Variants in MTO1 observed in about 807,000 individuals in gnomAD.
MTO1 encodes the protein 5-taurinomethyluridine-[tRNA] synthase subunit MTO1, mitochondrial.
A neutral mutation model predicts 71.6 loss-of-function variants in MTO1; 46 were observed. The observed-to-expected ratio is 0.64, with a 90% CI of 0.51 to 0.82. The LOEUF (loss-of-function observed/expected upper bound fraction) is 0.82, where lower values mean the gene tolerates loss of function less well. Among genes scored for constraint, MTO1 ranks in the 40% least tolerant of loss-of-function variants. The pLI, the probability that MTO1 is intolerant of heterozygous loss-of-function variation, is 0.00. For synonymous variants in MTO1, 297 were observed against 312.1 expected, an observed-to-expected ratio of 0.95 and a Z score of 0.51; for missense variants, 773 against 867.5, an observed-to-expected ratio of 0.89 and a Z score of 1.37.
At chr6:73,473,148 G>A (rs553859319) in intron 3 of MTO1, among the ~76,000 whole-genome samples, 54 of 152,226 alleles carry the variant, frequency 3.5e-4, no homozygotes, top group African/African-American at 1.2e-3. Context: ...GCGTGGTGGC[G>A]CATGCCTGTA....
Position 73,497,909 on chromosome 6 carries a change from G to A in MTO1, c.1917+13G>A. On this transcript the variant is annotated intron_variant, in intron 11 of 11. Coordinates refer to ENST00000498286, the MANE Select transcript of MTO1 (RefSeq NM_012123.4). ...TCGTCCACAGACGGTAAGAAAATAG[G>A]CAGGAGAATAGAAACAAGTTATAGA... The A allele has an allele frequency of 1.9e-6, 3 of 1,597,444 alleles. No individual in the cohort carries two copies. The highest frequency in any genetic ancestry group is 2.6e-6 in the Non-Finnish European group (3 of 1,168,586).
At chr6:73,472,844 T>C (rs1328727748) in intron 3 of MTO1, among the ~76,000 whole-genome samples, 5 of 152,324 alleles carry the variant, frequency 3.3e-5, no homozygotes, top group African/African-American at 1.2e-4. Flanking sequence ...CAGTTTTTTA[T>C]ATGTCTGTTA....
intron 4 of MTO1, 82 bp downstream of exon 4, chr6:73,473,736 T>C (rs1036545385): frequency 1.6e-6 from 2 of 1,231,750 alleles, no homozygotes; most frequent in African/African-American, 3.1e-5. Context: ...TTTTTTTTTT[T>C]TTGGCAGCAG....
At chr6:73,485,149 G>T (rs1047535917) in intron 9 of MTO1, among the ~76,000 whole-genome samples, 7 of 151,992 alleles carry the variant, frequency 4.6e-5, no homozygotes, top group Non-Finnish European at 1.0e-4. Flanking sequence ...TGACTGATGT[G>T]TATTGATGAA....
chr6:73,461,870 G>A lies in MTO1; in HGVS notation c.16G>A (p.Gly6Ser), dbSNP rs1770826667. The change falls in exon 1 of 12, where the codon GGC (glycine) becomes AGC (serine). Residue 6 changes from glycine to serine, a missense_variant. Physicochemically the swap from Gly to Ser is moderately conservative, Grantham distance 56 (BLOSUM62 0). Coordinates refer to ENST00000498286, the MANE Select transcript of MTO1 (RefSeq NM_012123.4). The stretch of plus-strand genomic sequence containing the variant: ...TTCTCCCAGCATGTTCTACTTCCGA[G>A]GCTGTGGCCGTTGGGTCGCGGTTTC... MFYFR[G>S]CGRWVAVSFT... The A allele has an allele frequency of 1.9e-6, 3 of 1,613,638 alleles. No individual in the cohort carries two copies. Among genetic ancestry groups the A allele is most frequent in the East Asian group, 2.2e-5 (1 of 44,860 alleles).
chr6:73,503,867 A>G lies in MTO1; in HGVS notation c.*3132A>G, dbSNP rs1217800103. 6.6e-6 allele frequency: 1 copy of G among 152,172 alleles called. No homozygotes were observed. The highest frequency in any genetic ancestry group is 1.5e-5 in the Non-Finnish European group (1 of 68,022). 9.4% of individuals were successfully genotyped at this position (152,172 alleles called of 1,614,324 possible). ...GCCAAGAGCTTAAATTTTGTTACTGATGGTTTTAAAAGTATTTTGTCATTT... is the reference window on the plus strand; with the variant it reads ...GCCAAGAGCTTAAATTTTGTTACTGGTGGTTTTAAAAGTATTTTGTCATTT... On this transcript the variant is annotated 3_prime_UTR_variant, in exon 12 of 12. Transcript: ENST00000498286.
chr6:73,477,509 CTT>C (rs766276407), intron 4 of MTO1, among the ~76,000 whole-genome samples: 35 of 134,742 alleles, frequency 2.6e-4, no homozygotes, highest in Non-Finnish European at 2.7e-4. Context: ...TCCAAAGCAG[CTT>C]TTTTTTTTTT....
chr6:73,470,084 A>C (rs74338644), intron 3 of MTO1, among the ~76,000 whole-genome samples: 1 of 152,224 alleles, frequency 6.6e-6, no homozygotes, highest in Non-Finnish European at 1.5e-5. Flanking sequence ...CAGAAGAATC[A>C]GTTTTCCACC....
intron 9 of MTO1, among the ~76,000 whole-genome samples, chr6:73,487,364 G>A (rs969936996): frequency 3.3e-5 from 5 of 151,322 alleles, no homozygotes; most frequent in African/African-American, 1.2e-4. Context: ...GCTACTTTTT[G>A]TATTTTTAGT....
chr6:73,492,574 CT>C, intron 10 of MTO1: 1 of 377,720 alleles, frequency 2.6e-6, no homozygotes, highest in Non-Finnish European at 5.0e-6. Context: ...CTTTGGGAGG[CT>C]GAGGTGGGCT....
chr6:73,486,708 A>G (rs140309705), intron 9 of MTO1: 8 of 316,478 alleles, frequency 2.5e-5, no homozygotes, highest in African/African-American at 1.1e-4. Flanking sequence ...ATTGCACCCA[A>G]ACCTGAGGGA....
intron 10 of MTO1, among the ~76,000 whole-genome samples, chr6:73,495,339 C>A (rs1343288560): frequency 6.6e-6 from 1 of 152,108 alleles, no homozygotes. Context: ...CTTTATTAAA[C>A]ACTTAGGGCT....
At chr6:73,494,629 A>G (rs1771929962) in intron 10 of MTO1, among the ~76,000 whole-genome samples, 2 of 151,978 alleles carry the variant, frequency 1.3e-5, no homozygotes, top group African/African-American at 2.4e-5. Flanking sequence ...GGCATGCACC[A>G]CCACGCCTGG....
Position 73,479,852 on chromosome 6 carries a change from C to G in MTO1, c.938+8C>G. The G allele has an allele frequency of 2.5e-6, 4 of 1,608,102 alleles. No individual in the cohort carries two copies. Among genetic ancestry groups the G allele is most frequent in the Non-Finnish European group, 3.4e-6 (4 of 1,175,334 alleles). On this transcript the variant is annotated splice_region_variant and intron_variant, in intron 5 of 11. Coordinates refer to ENST00000498286, the MANE Select transcript of MTO1 (RefSeq NM_012123.4). Reference sequence around the variant, plus strand: ...AACGACAAGAGGACCTCGGTAAGGACAAAATGTCAGTGCTCAGTTACTTTA... The same window carrying G: ...AACGACAAGAGGACCTCGGTAAGGAGAAAATGTCAGTGCTCAGTTACTTTA...
chr6:73,478,889 T>C (rs74978151), intron 4 of MTO1, among the ~76,000 whole-genome samples: 8 of 150,616 alleles, frequency 5.3e-5, no homozygotes, highest in African/African-American at 2.0e-4. Context: ...ACTTTTTTTT[T>C]TTCTTTTTTT....
At chr6:73,464,835 CAAAAAAAAAA>C (rs70996805) in intron 1 of MTO1, among the ~76,000 whole-genome samples, 5 of 28,354 alleles carry the variant, frequency 1.8e-4, no homozygotes, top group Non-Finnish European at 2.6e-4. Context: ...AACTCTGTCT[CAAAAAAAAAA>C]AAAAAAAAAA....
chr6:73,482,094 G>A lies in MTO1; in HGVS notation c.1315G>A (p.Val439Met), dbSNP rs1325905586. 6.2e-7 allele frequency: 1 copy of A among 1,614,172 alleles called. No individual in the cohort carries two copies. Among genetic ancestry groups the A allele is most frequent in the Non-Finnish European group, 8.5e-7 (1 of 1,180,028 alleles). Residue 439 changes from valine (V) to methionine (M), a missense_variant, in exon 8 of 12, where the codon GTG becomes ATG. Physicochemically the swap from Val to Met is conservative, Grantham distance 21. Coordinates refer to ENST00000498286, the MANE Select transcript of MTO1 (RefSeq NM_012123.4). ...TCGGGTCAGTCGCAAGCCTCCCTTT[G>A]TGGTTAGCCGAACAGAAGGTTACAT... The part of the protein sequence containing the change: ...SLRVSRKPPF[V>M]VSRTEGYIGV...
chr6:73,477,758 T>G (rs958256497), intron 4 of MTO1, among the ~76,000 whole-genome samples: 1 of 151,930 alleles, frequency 6.6e-6, no homozygotes, highest in African/African-American at 2.4e-5. Context: ...CTGCCTGCCT[T>G]GGGCCCCAAA....
intron 9 of MTO1, 56 bp from the exon 10 acceptor site, chr6:73,492,178 G>T: frequency 1.9e-6 from 2 of 1,040,076 alleles, no homozygotes; most frequent in Non-Finnish European, 3.0e-6. Context: ...TCTTGTTCTT[G>T]ATCTGCCTTA....
Sources: gnomAD v4.1 joint callset for allele counts (sites outside exome capture counted in the v4.1 genomes callset) on GRCh38, gnomAD v4.1.1 for gene constraint, MANE v1.5 for transcripts, NCBI Gene and HGNC (gene_info 2026-07-23, HGNC 2026-07-21) for gene names.